ZNF124: variants seen among roughly 807,000 people sequenced by gnomAD.
The protein encoded by ZNF124 is zinc finger protein HZF-16.
A neutral mutation model predicts 26.6 loss-of-function variants in ZNF124; 25 were observed. The observed-to-expected ratio is 0.94, with a 90% CI of 0.68 to 1.31. The LOEUF (loss-of-function observed/expected upper bound fraction) is 1.31. ZNF124 is among the 40% of genes most tolerant of loss of function. The pLI, the probability that ZNF124 is intolerant of heterozygous loss-of-function variation, is 0.00. For synonymous variants in ZNF124, 129 were observed against 133.3 expected (o/e 0.97, Z 0.22); for missense variants, 444 against 422.2 (o/e 1.05, Z -0.45).
At chr1:247,137,769 A>T (rs188814655) in intron 3 of ZNF124, among the ~76,000 whole-genome samples, 8 of 152,292 alleles carry the variant, frequency 5.3e-5, no homozygotes, top group Non-Finnish European at 1.0e-4. Flanking sequence ...ACAAGAAAAA[A>T]CAAAAAACTC....
chr1:247,126,313 C>G (rs960509917), intron 3 of ZNF124, among the ~76,000 whole-genome samples: 3 of 108,436 alleles, frequency 2.8e-5, no homozygotes, highest in African/African-American at 7.6e-5. Flanking sequence ...TCACCTGTCA[C>G]TAAGAGTCTG....
intron 3 of ZNF124, among the ~76,000 whole-genome samples, chr1:247,140,430 A>C (rs186244307): frequency 1.3e-5 from 2 of 152,224 alleles, no homozygotes; most frequent in African/African-American, 4.8e-5. Context: ...AATCTTGATG[A>C]TCTTAATTCC....
chr1:247,134,369 GCAAAGA>G (rs980279291), intron 3 of ZNF124, among the ~76,000 whole-genome samples: 1 of 152,116 alleles, frequency 6.6e-6, no homozygotes, highest in African/African-American at 2.4e-5. Flanking sequence ...TATCTTATGT[GCAAAGA>G]CACACATAGG....
At position 247,157,144 on chromosome 1, in the gene ZNF124, C is replaced by G. The variant is rs752543460; in HGVS notation, c.478G>C (p.Gly160Arg). 6.2e-7 allele frequency: 1 copy of G among 1,613,216 alleles called. No homozygotes were observed. Among genetic ancestry groups the G allele is most frequent in the Admixed American group, 1.7e-5 (1 of 59,952 alleles). ...TGTCTATTAAGAGAACGGGAAAAAC[C>G]TAAGGCTTTCCCACATTCCATACAT... The part of the protein sequence containing the change: ...YECMECGKAL[G>R]FSRSLNRHKR... Residue 160 changes from glycine to arginine, a missense_variant, in exon 4 of 4, where the codon GGT (glycine) becomes CGT (arginine). By Grantham distance (125) the Gly-to-Arg change is moderately radical (BLOSUM62 -2). Transcript: ENST00000543802.
chr1:247,154,297 T>C (rs752873678), downstream of ZNF124, among the ~76,000 whole-genome samples: 18 of 152,332 alleles, frequency 1.2e-4, no homozygotes, highest in Non-Finnish European at 2.1e-4. Context: ...GATGGTTTTA[T>C]AAGAATCTGG....
At chr1:247,124,733 A>G (rs939879521) in intron 3 of ZNF124, among the ~76,000 whole-genome samples, 1 of 152,158 alleles carries the variant, frequency 6.6e-6, no homozygotes, top group Non-Finnish European at 1.5e-5. Context: ...GTGTGTGTGT[A>G]TGTGGCTTCT....
In ZNF124 at chr1:247,157,172, A is replaced by G. The variant is rs146001836; in HGVS notation, c.450T>C (p.Tyr150=). ...HQRNHTGEKP[Y]ECMECGKALG... Reference sequence around the variant, plus strand: ...AGGCTTTCCCACATTCCATACATTCATAGGGTTTCTCTCCAGTGTGATTTC... The same window carrying G: ...AGGCTTTCCCACATTCCATACATTCGTAGGGTTTCTCTCCAGTGTGATTTC... The change falls in exon 4 of 4, where the codon TAT becomes TAC. Residue 150 remains tyrosine, a synonymous_variant. Transcript: ENST00000543802. 2.5e-6 allele frequency: 4 copies of G among 1,614,082 alleles called. No homozygotes were observed. The highest frequency in any genetic ancestry group is 2.2e-5 in the East Asian group (1 of 44,884).
rs141940249 is a variant in ZNF124 at position 247,158,646 on chromosome 1, C to T, written c.218+360G>A. ...TGTTTGCTTGGTTTTTTTTTTTCCC[C>T]GAGATGGTGTTTTGCTCTTGTTTCC... On this transcript the variant is annotated intron_variant, in intron 3 of 3. Transcript: ENST00000543802. 5.2e-3 allele frequency among the ~76,000 whole-genome samples: 792 copies of T among 151,196 alleles called. 10 individuals carry two copies. Among genetic ancestry groups the T allele is most frequent in the African/African-American group, 0.018 (757 of 41,230 alleles).
intron 3 of ZNF124, among the ~76,000 whole-genome samples, chr1:247,149,076 G>A (rs1158539664): frequency 6.6e-6 from 1 of 152,114 alleles, no homozygotes; most frequent in Non-Finnish European, 1.5e-5. Flanking sequence ...AATTGTCCAG[G>A]TATTTATTTG....
intron 3 of ZNF124, among the ~76,000 whole-genome samples, chr1:247,158,691 A>C (rs1447434252): frequency 2.0e-5 from 3 of 151,466 alleles, no homozygotes; most frequent in Non-Finnish European, 4.4e-5. Context: ...GTGCAATGGC[A>C]CAACCTCAGC....
chr1:247,128,682 G>A (rs1672274100), intron 3 of ZNF124, among the ~76,000 whole-genome samples: 1 of 150,240 alleles, frequency 6.7e-6, no homozygotes, highest in African/African-American at 2.5e-5. Context: ...TCAGGCAGTC[G>A]GATACTGGTA....
intron 1 of ZNF124, among the ~76,000 whole-genome samples, chr1:247,165,450 A>T (rs1447196212): frequency 1.3e-5 from 2 of 152,200 alleles, no homozygotes; most frequent in African/African-American, 4.8e-5. Context: ...ATTTAAAGAT[A>T]AAAAAACCCT....
downstream of ZNF124, among the ~76,000 whole-genome samples, chr1:247,154,280 G>A (rs541325059): frequency 1.8e-4 from 27 of 152,300 alleles, no homozygotes; most frequent in African/African-American, 6.3e-4. Flanking sequence ...TGAGTCTCAT[G>A]AGATCTGATG....
chr1:247,142,343 C>T lies in ZNF124; in HGVS notation c.218+16663G>A, dbSNP rs56320237. ...TGAACAATATACTGAAAATGGTAAA[C>T]CCAGTTTTCTTTAAGGCTGATTACT... On this transcript the variant is annotated intron_variant, in intron 3 of 3. Coordinates refer to the ZNF124 transcript ENST00000472531. 4.0e-3 allele frequency among the ~76,000 whole-genome samples: 610 copies of T among 152,244 alleles called. 6 individuals carry two copies. The highest frequency in any genetic ancestry group is 0.013 in the African/African-American group (553 of 41,524).
At chr1:247,162,119 G>A (rs1260803780) in intron 1 of ZNF124, among the ~76,000 whole-genome samples, 1 of 152,236 alleles carries the variant, frequency 6.6e-6, no homozygotes, top group Non-Finnish European at 1.5e-5. Context: ...TAAAGGTAGT[G>A]CTAAATATGG....
At chr1:247,154,743 A>C (rs539970580), downstream of ZNF124, among the ~76,000 whole-genome samples, 2 of 152,324 alleles carry the variant, frequency 1.3e-5, no homozygotes, top group Admixed American at 1.3e-4. Context: ...TCACATCTGT[A>C]ATCCCAACAC....
At chr1:247,139,930 T>A (rs1672583007) in intron 3 of ZNF124, among the ~76,000 whole-genome samples, 1 of 152,216 alleles carries the variant, frequency 6.6e-6, no homozygotes, top group Non-Finnish European at 1.5e-5. Context: ...ACAGTCTTTC[T>A]TTTATTTTGA....
intron 1 of ZNF124, among the ~76,000 whole-genome samples, chr1:247,166,413 T>C (rs553277756): frequency 1.3e-5 from 2 of 152,292 alleles, no homozygotes; most frequent in Non-Finnish European, 2.9e-5. Flanking sequence ...TATGCATGCA[T>C]AGGTTCACTG....
downstream of ZNF124, among the ~76,000 whole-genome samples, chr1:247,152,275 A>G (rs1476661254): frequency 6.6e-6 from 1 of 150,410 alleles, no homozygotes; most frequent in Non-Finnish European, 1.5e-5. Flanking sequence ...AAAGTAAGCT[A>G]CAATTTCTAG....
Sources: allele counts gnomAD v4.1 joint callset (sites outside exome capture counted in the v4.1 genomes callset), GRCh38; gene constraint gnomAD v4.1.1; transcripts MANE v1.5; gene names NCBI Gene and HGNC (gene_info 2026-07-23, HGNC 2026-07-21).